Variants in TYW5 observed in about 807,000 individuals in gnomAD.
TYW5 encodes the protein tRNA wybutosine-synthesizing protein 5.
TYW5 carries 36 observed loss-of-function variants against 44.4 expected under a neutral mutation model. That is an observed-to-expected ratio of 0.81 (90% CI 0.62 to 1.07). TYW5 has a LOEUF of 1.07. Among genes scored for constraint, TYW5 ranks in the 50% least tolerant of loss-of-function variants. The probability of loss-of-function intolerance (pLI) is 0.00; values close to 1 mark genes in which losing one functional copy is unlikely to be tolerated. For synonymous variants in TYW5, 121 were observed against 128.1 expected, an observed-to-expected ratio of 0.94 and a Z score of 0.37; for missense variants, 354 against 365.7, an observed-to-expected ratio of 0.97 and a Z score of 0.26.
intron 1 of TYW5, among the ~76,000 whole-genome samples, chr2:199,952,394 T>C (rs1012943006): frequency 1.3e-5 from 2 of 152,234 alleles, no homozygotes; most frequent in Non-Finnish European, 2.9e-5. Flanking sequence ...CAATATGATA[T>C]ATAAGAAGTT....
intron 2 of TYW5, chr2:199,944,755 C>A (rs2077491175): frequency 1.3e-5 from 2 of 152,214 alleles, no homozygotes; most frequent in Admixed American, 1.3e-4. Context: ...TATCTTCCCA[C>A]TTGAACTCTG....
chr2:199,940,186 TA>T, intron 3 of TYW5, 53 bp from the exon 4 acceptor site: 1 of 1,509,258 alleles, frequency 6.6e-7, no homozygotes, highest in Non-Finnish European at 9.2e-7. Context: ...TTTTCAAATG[TA>T]AAAATACTAG....
intron 5 of TYW5, among the ~76,000 whole-genome samples, chr2:199,937,032 T>C (rs374257367): frequency 1.3e-5 from 2 of 152,254 alleles, no homozygotes; most frequent in East Asian, 3.9e-4. Context: ...AACAGTATGG[T>C]GATTTATGAC....
At chr2:199,951,067 T>C (rs1274320733) in intron 1 of TYW5, among the ~76,000 whole-genome samples, 4 of 152,234 alleles carry the variant, frequency 2.6e-5, no homozygotes, top group African/African-American at 9.6e-5. Flanking sequence ...TAAATGTACA[T>C]GTAGCTCATG....
chr2:199,940,669 G>A (rs1241156570), intron 3 of TYW5, among the ~76,000 whole-genome samples: 1 of 151,790 alleles, frequency 6.6e-6, no homozygotes, highest in Non-Finnish European at 1.5e-5. Flanking sequence ...GCTCTCTGGT[G>A]GCCATATGAA....
rs933441875 is a variant in TYW5, at chr2:199,930,563, A to C, written c.*2504T>G. ...CGTGATCTGCCCACCTCGGCCTCCCAAAGTGCTGGGATTACAGGCATGAGC... is the reference window on the plus strand; with the variant it reads ...CGTGATCTGCCCACCTCGGCCTCCCCAAGTGCTGGGATTACAGGCATGAGC... On this transcript the variant is annotated 3_prime_UTR_variant, in exon 8 of 8. Coordinates refer to ENST00000354611, the MANE Select transcript of TYW5 (RefSeq NM_001039693.3). 6.6e-6 allele frequency: 1 copy of C among 152,398 alleles called. No homozygotes were observed. The highest frequency in any genetic ancestry group is 2.4e-5 in the African/African-American group (1 of 41,450). The allele number at this position is 152,398 out of a possible 1,614,324, so 9.4% of individuals were successfully genotyped here.
intron 3 of TYW5, 132 bp from the exon 4 acceptor site, chr2:199,940,265 C>A (rs372240588): frequency 1.7e-5 from 13 of 746,012 alleles, no homozygotes; most frequent in Non-Finnish European, 2.7e-5. Context: ...CTGAGAACTA[C>A]GGAAAAAAAT....
At chr2:199,947,776 G>A (rs2077513897) in intron 2 of TYW5, 1 of 152,502 alleles carries the variant, frequency 6.6e-6, no homozygotes, top group South Asian at 2.1e-4. Flanking sequence ...GACTCCAGAA[G>A]GTATTGGGTA....
intron 1 of TYW5, among the ~76,000 whole-genome samples, chr2:199,954,263 G>A (rs1487406114): frequency 2.6e-5 from 4 of 151,616 alleles, no homozygotes; most frequent in Admixed American, 2.0e-4. Context: ...CACCACGCCC[G>A]GCTAATTTTT....
At chr2:199,939,549 A>AATATTCAGG (rs1317218205) in intron 4 of TYW5, among the ~76,000 whole-genome samples, 26 of 152,202 alleles carry the variant, frequency 1.7e-4, no homozygotes, top group African/African-American at 6.3e-4. Flanking sequence ...CATCCACTCT[A>AATATTCAGG]ATATTCAGGA....
Position 199,935,916 on chromosome 2 carries a change from G to A in TYW5, c.691+15C>T, listed in dbSNP as rs1192017968. 1.3e-6 allele frequency: 2 copies of A among 1,515,554 alleles called. No individual in the cohort carries two copies. Among genetic ancestry groups the A allele is most frequent in the African/African-American group, 1.4e-5 (1 of 72,820 alleles). The allele number at this position is 1,515,554 out of a possible 1,614,324, so 93.9% of individuals were successfully genotyped here. A position where few individuals can be genotyped will look rare whatever the true frequency, so the allele number is the denominator to read the frequency against. On this transcript the variant is annotated intron_variant, in intron 7 of 7. Coordinates refer to ENST00000354611, the MANE Select transcript of TYW5 (RefSeq NM_001039693.3). Reference sequence around the variant, plus strand: ...ATTTTATAAATAGCACATTAGTGAGGTCTAGAAATCTTACCAGGAATGAAT... The same window carrying A: ...ATTTTATAAATAGCACATTAGTGAGATCTAGAAATCTTACCAGGAATGAAT...
intron 2 of TYW5, chr2:199,945,472 G>A (rs2105705335): frequency 6.6e-6 from 1 of 152,276 alleles, no homozygotes; most frequent in African/African-American, 2.4e-5. Context: ...GACCAATGCA[G>A]AGTACTATTT....
chr2:199,945,922 C>G (rs1013196731), intron 2 of TYW5: 1 of 152,134 alleles, frequency 6.6e-6, no homozygotes, highest in African/African-American at 2.4e-5. Context: ...AAAATCTATC[C>G]TATCCATGTT....
chr2:199,935,719 A>AACACACACACACAC (rs142361195), intron 7 of TYW5, among the ~76,000 whole-genome samples: 2 of 138,104 alleles, frequency 1.4e-5, no homozygotes, highest in African/African-American at 5.3e-5. Flanking sequence ...GCCTGCTTTA[A>AACACACACACACAC]ACACACACAC....
chr2:199,946,567 G>C (rs765378570), intron 2 of TYW5: 14 of 152,084 alleles, frequency 9.2e-5, no homozygotes, highest in Non-Finnish European at 1.8e-4. Flanking sequence ...TCTGAACAAT[G>C]AGCACTACCA....
chr2:199,933,398 C>G (rs2077395767), intron 7 of TYW5, 75 bp from the exon 8 acceptor site: 1 of 1,267,312 alleles, frequency 7.9e-7, no homozygotes, highest in African/African-American at 1.5e-5. Flanking sequence ...AGTGAAATAT[C>G]ACGAATTGCA....
rs2077387827 is a variant in TYW5, at chr2:199,932,563, T to TA, written c.*503dup. On this transcript the variant is annotated 3_prime_UTR_variant, in exon 8 of 8. Coordinates refer to ENST00000354611, the MANE Select transcript of TYW5 (RefSeq NM_001039693.3). ...AGTGAATTCTGGGAAAGCTTTCTCATACTAGGACAGGGCCCCTAGAATCCA... is the reference window on the plus strand; with the variant it reads ...AGTGAATTCTGGGAAAGCTTTCTCATAACTAGGACAGGGCCCCTAGAATCCA... 6.3e-6 allele frequency: 1 copy of TA among 158,664 alleles called. No homozygotes were observed. Among genetic ancestry groups the TA allele is most frequent in the Non-Finnish European group, 1.4e-5 (1 of 71,798 alleles). The allele number at this position is 158,664 out of a possible 1,614,324, so 9.8% of individuals were successfully genotyped here.
At chr2:199,940,917 T>G (rs935823775) in intron 3 of TYW5, among the ~76,000 whole-genome samples, 4 of 152,222 alleles carry the variant, frequency 2.6e-5, no homozygotes, top group Admixed American at 1.3e-4. Flanking sequence ...TTGAGAACAC[T>G]GCATTTTATC....
intron 2 of TYW5, chr2:199,947,696 G>A (rs1316928297): frequency 6.6e-6 from 1 of 152,218 alleles, no homozygotes; most frequent in Non-Finnish European, 1.5e-5. Context: ...ATCAAGCATT[G>A]AATGAGTATG....
Sources: gnomAD v4.1 joint callset for allele counts (sites outside exome capture counted in the v4.1 genomes callset) on GRCh38, gnomAD v4.1.1 for gene constraint, MANE v1.5 for transcripts, NCBI Gene and HGNC (gene_info 2026-07-23, HGNC 2026-07-21) for gene names.